Variants in DOCK3 observed in about 807,000 individuals in gnomAD.
The protein encoded by DOCK3 is dedicator of cytokinesis 3.
A neutral mutation model predicts 265.6 loss-of-function variants in DOCK3; 60 were observed. The observed-to-expected ratio is 0.23, with a 90% confidence interval of 0.18 to 0.28. The LOEUF (loss-of-function observed/expected upper bound fraction) is 0.28, where lower values mean the gene tolerates loss of function less well. DOCK3 is among the 10% of genes least tolerant of loss of function. DOCK3 has a pLI of 1.00. For missense variants in DOCK3, 1,981 were observed against 2,594.3 expected, an observed-to-expected ratio of 0.76 and a Z score of 5.14; for synonymous variants, 881 against 938.0, an observed-to-expected ratio of 0.94 and a Z score of 1.11.
chr3:51,256,267 CT>C (rs1576562454), intron 22 of DOCK3, among the ~76,000 whole-genome samples: 1 of 152,194 alleles, frequency 6.6e-6, no homozygotes, highest in East Asian at 1.9e-4. Flanking sequence ...TTGGAACCTC[CT>C]CCTTGTTTTG....
At chr3:51,228,156 TCA>T in intron 17 of DOCK3, 68 bp downstream of exon 17, 1 of 1,514,356 alleles carries the variant, frequency 6.6e-7, no homozygotes, top group Non-Finnish European at 9.1e-7. Flanking sequence ...CACATGGTTC[TCA>T]GTTAGGTGGT....
chr3:51,091,077 A>G (rs746624951), intron 9 of DOCK3, among the ~76,000 whole-genome samples: 2 of 152,266 alleles, frequency 1.3e-5, no homozygotes, highest in Non-Finnish European at 2.9e-5. Context: ...ACTTTGGCAT[A>G]GGAATAAAAT....
chr3:50,851,114 G>A (rs1473185316), intron 3 of DOCK3, among the ~76,000 whole-genome samples: 1 of 152,216 alleles, frequency 6.6e-6, no homozygotes, highest in Non-Finnish European at 1.5e-5. Context: ...TAGGTGTGGA[G>A]ATGGGAAACC....
At chr3:51,046,739 A>G (rs1381128060) in intron 5 of DOCK3, among the ~76,000 whole-genome samples, 1 of 152,176 alleles carries the variant, frequency 6.6e-6, no homozygotes, top group Non-Finnish European at 1.5e-5. Context: ...CAATAGACAT[A>G]CACAGAACAT....
chr3:50,954,152 C>A (rs1403723265), intron 5 of DOCK3, among the ~76,000 whole-genome samples: 4 of 152,090 alleles, frequency 2.6e-5, no homozygotes, highest in Non-Finnish European at 4.4e-5. Flanking sequence ...ACTGTACTTT[C>A]CGCTTCTATG....
intron 12 of DOCK3, among the ~76,000 whole-genome samples, chr3:51,178,204 G>T (rs1431283031): frequency 6.6e-6 from 1 of 152,132 alleles, no homozygotes; most frequent in African/African-American, 2.4e-5. Context: ...TATGAAATGG[G>T]TGTGTCATGT....
chr3:51,273,626 G>C (rs946309616), intron 24 of DOCK3, among the ~76,000 whole-genome samples: 2 of 152,102 alleles, frequency 1.3e-5, no homozygotes, highest in Admixed American at 1.3e-4. Flanking sequence ...ATCTAGACTA[G>C]CTAGTATTCT....
chr3:51,213,849 G>A (rs773919427), intron 13 of DOCK3, among the ~76,000 whole-genome samples: 6 of 152,118 alleles, frequency 3.9e-5, no homozygotes, highest in African/African-American at 1.2e-4. Flanking sequence ...CTAGTTGGAC[G>A]CTGGGGAACA....
At chr3:50,787,080 G>A in intron 2 of DOCK3, 1 of 729,884 alleles carries the variant, frequency 1.4e-6, no homozygotes, top group Non-Finnish European at 2.6e-6. Context: ...TGTTCATGAA[G>A]GATCCAGTTT....
chr3:51,301,310 A>G (rs2082348147), intron 27 of DOCK3, among the ~76,000 whole-genome samples: 1 of 151,088 alleles, frequency 6.6e-6, no homozygotes, highest in Non-Finnish European at 1.5e-5. Context: ...TTATTAATCT[A>G]GCTAGCAGTC....
intron 6 of DOCK3, among the ~76,000 whole-genome samples, chr3:51,067,559 C>T (rs1381229351): frequency 6.6e-6 from 1 of 151,674 alleles, no homozygotes; most frequent in East Asian, 1.9e-4. Flanking sequence ...TTTCCTATTT[C>T]TCCTTTTCTC....
At chr3:51,346,834 A>G (rs556347995) in intron 38 of DOCK3, among the ~76,000 whole-genome samples, 1 of 152,290 alleles carries the variant, frequency 6.6e-6, no homozygotes, top group East Asian at 1.9e-4. Flanking sequence ...CACCATTCTA[A>G]CTGGTGTGAG....
At chr3:51,097,067 G>C (rs562669089) in intron 9 of DOCK3, among the ~76,000 whole-genome samples, 3 of 152,218 alleles carry the variant, frequency 2.0e-5, no homozygotes, top group Non-Finnish European at 2.9e-5. Flanking sequence ...GTGTCTCCCA[G>C]TCAGGAGGCA....
At chr3:50,885,560 A>G (rs2048283806) in intron 3 of DOCK3, among the ~76,000 whole-genome samples, 1 of 152,078 alleles carries the variant, frequency 6.6e-6, no homozygotes, top group Non-Finnish European at 1.5e-5. Context: ...CTAGTATGCC[A>G]TTATTTCTTC....
chr3:50,934,876 C>T (rs934322968), intron 5 of DOCK3, among the ~76,000 whole-genome samples: 6 of 152,042 alleles, frequency 3.9e-5, no homozygotes, highest in East Asian at 1.9e-4. Flanking sequence ...GGGCTCTGGA[C>T]GATATGGAGT....
chr3:50,791,954 C>G (rs929614394), intron 2 of DOCK3, among the ~76,000 whole-genome samples: 3 of 151,528 alleles, frequency 2.0e-5, no homozygotes, highest in African/African-American at 7.3e-5. Context: ...TTTTTTTGTT[C>G]CATGTGAATT....
chr3:50,890,609 G>A (rs911770958), intron 4 of DOCK3, among the ~76,000 whole-genome samples: 4 of 152,000 alleles, frequency 2.6e-5, no homozygotes, highest in Non-Finnish European at 5.9e-5. Flanking sequence ...ATATGAATGA[G>A]TTTTTAAAAA....
chr3:50,966,349 A>G (rs1399148509), intron 5 of DOCK3, among the ~76,000 whole-genome samples: 1 of 152,020 alleles, frequency 6.6e-6, no homozygotes, highest in African/African-American at 2.4e-5. Context: ...GCTAGATTGT[A>G]TGATAGTTCT....
intron 1 of DOCK3, among the ~76,000 whole-genome samples, chr3:50,715,281 C>T (rs760861176): frequency 2.6e-5 from 4 of 152,104 alleles, no homozygotes; most frequent in Non-Finnish European, 5.9e-5. Context: ...GGCGTGGTGG[C>T]GGCTCATGCC....
Sources: allele counts gnomAD v4.1 joint callset (sites outside exome capture counted in the v4.1 genomes callset), GRCh38; gene constraint gnomAD v4.1.1; transcripts MANE v1.5; gene names NCBI Gene and HGNC (gene_info 2026-07-23, HGNC 2026-07-21).